Variants in TMEM117 observed in about 807,000 individuals in gnomAD.
TMEM117 encodes transmembrane protein 117.
In TMEM117, 27 loss-of-function variants were observed where a neutral mutation model predicts 52.4. The observed-to-expected ratio is 0.51, with a 90% CI of 0.38 to 0.71. TMEM117 has a LOEUF of 0.71. Among genes scored for constraint, TMEM117 ranks in the 30% least tolerant of loss-of-function variants. The probability of loss-of-function intolerance (pLI) is 0.00; values close to 1 mark genes in which losing one functional copy is unlikely to be tolerated. For missense variants in TMEM117, 556 were observed against 630.5 expected (o/e 0.88, Z 1.26); for synonymous variants, 215 against 206.3 (o/e 1.04, Z -0.36).
At chr12:44,231,184 T>C (rs1949927791) in intron 5 of TMEM117, among the ~76,000 whole-genome samples, 1 of 151,968 alleles carries the variant, frequency 6.6e-6, no homozygotes, top group South Asian at 2.1e-4. Context: ...ATTTCACCAA[T>C]TGCACATGCA....
In TMEM117 at chr12:44,371,304, G is replaced by T. The variant is rs190098164; in HGVS notation, c.769-5291G>T. 2.4e-3 allele frequency among the ~76,000 whole-genome samples: 358 copies of T among 152,184 alleles called. 2 individuals are homozygous for T. The highest frequency in any genetic ancestry group is 8.1e-3 in the African/African-American group (337 of 41,554). ...CGGGGCATAGAGATTAACATAGAAA[G>T]AAATAAATATATCTGTAAAGTTGAC... On this transcript the variant is annotated intron_variant, in intron 6 of 7. Coordinates refer to ENST00000266534, the MANE Select transcript of TMEM117 (RefSeq NM_032256.3).
chr12:43,867,232 T>G (rs1943617631), intron 2 of TMEM117, among the ~76,000 whole-genome samples: 1 of 152,224 alleles, frequency 6.6e-6, no homozygotes, highest in East Asian at 1.9e-4. Flanking sequence ...TTTAGCAAGA[T>G]TCTTGTATTT....
intron 4 of TMEM117, among the ~76,000 whole-genome samples, chr12:44,200,375 A>G (rs1223235698): frequency 2.0e-5 from 3 of 152,114 alleles, no homozygotes; most frequent in Non-Finnish European, 4.4e-5. Context: ...TATTTTGAAC[A>G]AAGTTGTATT....
chr12:44,148,343 C>T (rs1948674560), intron 4 of TMEM117, among the ~76,000 whole-genome samples: 1 of 152,134 alleles, frequency 6.6e-6, no homozygotes, highest in Non-Finnish European at 1.5e-5. Context: ...ATTAATAAAA[C>T]ATAGCCTTTG....
At chr12:44,353,695 T>C (rs1431095716) in intron 6 of TMEM117, among the ~76,000 whole-genome samples, 4 of 152,216 alleles carry the variant, frequency 2.6e-5, no homozygotes, top group Non-Finnish European at 4.4e-5. Flanking sequence ...TTTTGGTTAC[T>C]GTAGCCTTGT....
chr12:43,944,233 T>G lies in TMEM117; in HGVS notation c.301T>G (p.Phe101Val), dbSNP rs1945090966. 6.2e-7 allele frequency: 1 copy of G among 1,612,112 alleles called. No individual in the cohort carries two copies. The highest frequency in any genetic ancestry group is 8.5e-7 in the Non-Finnish European group (1 of 1,179,454). Residue 101 changes from phenylalanine (F) to valine (V), a missense_variant, in exon 3 of 8, where the codon TTT (phenylalanine) becomes GTT (valine). By Grantham distance (50) the Phe-to-Val change is conservative. Around this residue, in one of 3 missense-constraint regions of TMEM117, gnomAD observed 328 missense variants for 371.4 expected, o/e 0.88. Transcript: ENST00000266534. The part of the protein sequence containing the change: ...LFGQLLRLKM[F>V]REDHGSWMTM... ...AGGTCAGTTGCTCCGATTAAAAATGTTTCGAGAAGATCATGGGTCGTGGAT... is the reference window on the plus strand; with the variant it reads ...AGGTCAGTTGCTCCGATTAAAAATGGTTCGAGAAGATCATGGGTCGTGGAT...
chr12:44,006,371 T>G (rs1946196427), intron 3 of TMEM117, among the ~76,000 whole-genome samples: 1 of 152,162 alleles, frequency 6.6e-6, no homozygotes, highest in Non-Finnish European at 1.5e-5. Flanking sequence ...CAGAAGACAT[T>G]GTGGTAGTGG....
At chr12:44,314,242 A>G (rs1951026280) in intron 6 of TMEM117, among the ~76,000 whole-genome samples, 1 of 151,994 alleles carries the variant, frequency 6.6e-6, no homozygotes, top group African/African-American at 2.4e-5. Context: ...TTTTTTATAG[A>G]TGACTCTTAT....
At chr12:44,165,858 A>C (rs1948959852) in intron 4 of TMEM117, among the ~76,000 whole-genome samples, 1 of 152,224 alleles carries the variant, frequency 6.6e-6, no homozygotes, top group South Asian at 2.1e-4. Flanking sequence ...TTTAAACTGC[A>C]CTTTAGACCA....
At chr12:44,288,993 T>A (rs541382911) in intron 5 of TMEM117, among the ~76,000 whole-genome samples, 9 of 152,284 alleles carry the variant, frequency 5.9e-5, no homozygotes, top group African/African-American at 2.2e-4. Flanking sequence ...TGAAAGTTTG[T>A]ACACTTCAAA....
At chr12:43,822,926 C>G in the TMEM117 span, among the ~76,000 whole-genome samples, 1 of 150,716 alleles carries the variant, frequency 6.6e-6, no homozygotes, top group Non-Finnish European at 1.5e-5. Context: ...GGGTAATCTA[C>G]TGAAATTTGA....
intron 4 of TMEM117, among the ~76,000 whole-genome samples, chr12:44,145,935 C>T (rs535818560): frequency 6.6e-6 from 1 of 152,262 alleles, no homozygotes; most frequent in Admixed American, 6.5e-5. Flanking sequence ...TGTTTCTAAC[C>T]CAATTCTATC....
chr12:43,854,404 A>G (rs1330948505), intron 2 of TMEM117, among the ~76,000 whole-genome samples: 1 of 151,992 alleles, frequency 6.6e-6, no homozygotes, highest in African/African-American at 2.4e-5. Flanking sequence ...AATGAAAGGT[A>G]ACTAGGAAGA....
intron 5 of TMEM117, among the ~76,000 whole-genome samples, chr12:44,292,961 A>C (rs1443996890): frequency 6.6e-6 from 1 of 152,008 alleles, no homozygotes; most frequent in Non-Finnish European, 1.5e-5. Context: ...GGTGTTATTC[A>C]AGTCCATTGT....
chr12:43,816,884 T>C, the TMEM117 span, among the ~76,000 whole-genome samples: 9 of 152,222 alleles, frequency 5.9e-5, no homozygotes, highest in East Asian at 1.5e-3. Context: ...TACAAGATGG[T>C]ATAATTAACA....
intron 2 of TMEM117, among the ~76,000 whole-genome samples, chr12:43,917,256 C>T (rs1248380317): frequency 2.1e-5 from 3 of 144,476 alleles, no homozygotes; most frequent in African/African-American, 5.1e-5. Flanking sequence ...AAAAAAAAGG[C>T]GTGCTGTGGT....
At chr12:43,874,530 G>T (rs1428649654) in intron 2 of TMEM117, among the ~76,000 whole-genome samples, 1 of 152,132 alleles carries the variant, frequency 6.6e-6, no homozygotes, top group South Asian at 2.1e-4. Flanking sequence ...GGCAGAGGTT[G>T]CAATGAGCCG....
chr12:44,381,456 T>C (rs567476319), intron 7 of TMEM117, among the ~76,000 whole-genome samples: 1 of 152,252 alleles, frequency 6.6e-6, no homozygotes, highest in African/African-American at 2.4e-5. Context: ...GTCCTATTAA[T>C]GCCAATCCCG....
At chr12:43,903,657 G>A (rs1592348285) in intron 2 of TMEM117, among the ~76,000 whole-genome samples, 1 of 152,270 alleles carries the variant, frequency 6.6e-6, no homozygotes, top group Middle Eastern at 3.4e-3. Context: ...TAAAGAAAAT[G>A]TTAAAATGTT....
Sources: gnomAD v4.1 joint callset for allele counts (sites outside exome capture counted in the v4.1 genomes callset) on GRCh38, gnomAD v4.1.1 for gene constraint, gnomAD v4.1.1 regional missense constraint, MANE v1.5 for transcripts, NCBI Gene and HGNC (gene_info 2026-07-23, HGNC 2026-07-21) for gene names.